HEATR9: variants seen among roughly 807,000 people sequenced by gnomAD.
HEATR9 encodes the protein protein HEATR9.
HEATR9 carries 54 observed loss-of-function variants against 68.2 expected under a neutral mutation model. The ratio of observed to expected loss-of-function variants is 0.79; its 90% CI spans 0.64 to 0.99. The LOEUF (loss-of-function observed/expected upper bound fraction) is 0.99. HEATR9 is among the 50% of genes least tolerant of loss of function. The pLI is 0.00. For synonymous variants in HEATR9, 241 were observed against 253.5 expected (o/e 0.95, Z 0.47); for missense variants, 662 against 679.7 (o/e 0.97, Z 0.29).
In HEATR9 at chr17:35,866,774, C is replaced by A. The variant is rs1025329342; in HGVS notation, c.89-1G>T. ...ACAGGAGCCATGGCTTTTCTGAGTT[C>A]TGGCAAGAGGGATAAGAGTATGTGT... On this transcript the variant is annotated splice_acceptor_variant, in intron 1 of 14. Transcript: ENST00000604834. LOFTEE classifies it high-confidence loss of function. 1 of 1,613,768 alleles carries A rather than the reference C, an allele frequency of 6.2e-7. No homozygotes were observed. The highest frequency in any genetic ancestry group is 8.5e-7 in the Non-Finnish European group (1 of 1,179,834).
In HEATR9 at chr17:35,864,760, T is replaced by G; in HGVS notation, c.451A>C (p.Arg151=). The G allele has an allele frequency of 6.2e-7, 1 of 1,614,220 alleles. No individual in the cohort carries two copies. Among genetic ancestry groups the G allele is most frequent in the East Asian group, 2.2e-5 (1 of 44,880 alleles). The change falls in exon 4 of 15, where the codon AGG becomes CGG. Residue 151 remains arginine (R), a splice_region_variant and synonymous_variant. Transcript: ENST00000604834. ...TQDPLKWQRL[R]ELTKSLESPR... is the part of the protein sequence containing the mutation. Reference sequence around the variant, plus strand: ...GTCCTCTCCCACATGGTCCTGACCCTTAATCTTTGCCACTTCAGGGGGTCC... The same window carrying G: ...GTCCTCTCCCACATGGTCCTGACCCGTAATCTTTGCCACTTCAGGGGGTCC...
chr17:35,864,729 C>G (rs1568326318), intron 4 of HEATR9, 29 bp downstream of exon 4: 2 of 1,612,906 alleles, frequency 1.2e-6, no homozygotes, highest in South Asian at 1.1e-5. Flanking sequence ...GGAGGGAGTC[C>G]CCCACGTCCT....
intron 5 of HEATR9, 91 bp downstream of exon 5, chr17:35,864,406 C>G: frequency 6.5e-7 from 1 of 1,539,178 alleles, no homozygotes. Context: ...ATACCATCCC[C>G]ACAACCACCA....
Position 35,858,900 on chromosome 17 carries a change from G to A in HEATR9, c.927C>T (p.Thr309=). The change falls in exon 9 of 15, where the codon ACC becomes ACT. Residue 309 remains threonine, a synonymous_variant. Coordinates refer to ENST00000604834, the MANE Select transcript of HEATR9 (RefSeq NM_152781.4). ...CTGCCCCTCACACCTTCATCCGCTG[G>A]GTCTTGAGTCCTTGGCACAGGCACT... ...LLQCLCQGLK[T]QRMKALRMLV... is the part of the protein sequence containing the mutation. 6.2e-7 allele frequency: 1 copy of A among 1,613,706 alleles called. No homozygotes were observed. Among genetic ancestry groups the A allele is most frequent in the Non-Finnish European group, 8.5e-7 (1 of 1,179,984 alleles).
chr17:35,864,234 T>C lies in HEATR9; in HGVS notation c.567+12A>G. ...TCCTTCTTTCCTGAACTCCAGCAGT[T>C]CTCAGACTCACCACCTGCTGTAGTG... On this transcript the variant is annotated intron_variant, in intron 6 of 14. Coordinates refer to ENST00000604834, the MANE Select transcript of HEATR9 (RefSeq NM_152781.4). The C allele has an allele frequency of 1.9e-6, 3 of 1,605,614 alleles. No individual in the cohort carries two copies. The highest frequency in any genetic ancestry group is 2.6e-6 in the Non-Finnish European group (3 of 1,172,240).
At chr17:35,863,392 G>T in intron 7 of HEATR9, 110 bp downstream of exon 7, 1 of 1,234,646 alleles carries the variant, frequency 8.1e-7, no homozygotes, top group Non-Finnish European at 1.2e-6. Context: ...CTCAGGCCTT[G>T]CCAAATGGTA....
At position 35,856,237 on chromosome 17, in the gene HEATR9, G is replaced by C. The variant is rs375787983; in HGVS notation, c.1227-13C>G. 1.4e-5 allele frequency: 22 copies of C among 1,613,942 alleles called. No individual in the cohort carries two copies. The highest frequency in any genetic ancestry group is 1.8e-5 in the Non-Finnish European group (21 of 1,179,990). Reference sequence around the variant, plus strand: ...GTTCATCAGTTGTCTGTGTAGAAGGGAGTGAGTATGTTATAGTTGAATTAA... The same window carrying C: ...GTTCATCAGTTGTCTGTGTAGAAGGCAGTGAGTATGTTATAGTTGAATTAA... On this transcript the variant is annotated splice_polypyrimidine_tract_variant and intron_variant, in intron 12 of 14. Coordinates refer to ENST00000604834, the MANE Select transcript of HEATR9 (RefSeq NM_152781.4).
intron 4 of HEATR9, 95 bp from the exon 5 acceptor site, chr17:35,864,648 C>A: frequency 6.3e-7 from 1 of 1,587,160 alleles, no homozygotes; most frequent in Non-Finnish European, 8.6e-7. Flanking sequence ...CTTTTCCTAC[C>A]CTACCTCTGT....
At position 35,857,067 on chromosome 17, in the gene HEATR9, G is replaced by A. The variant is rs372199707; in HGVS notation, c.1153-262C>T. 3.3e-5 allele frequency among the ~76,000 whole-genome samples: 5 copies of A among 152,178 alleles called. No individual in the cohort carries two copies. The South Asian group carries it at 1.0e-3, about 32-fold the overall frequency. On this transcript the variant is annotated intron_variant, in intron 11 of 14. Coordinates refer to ENST00000604834, the MANE Select transcript of HEATR9 (RefSeq NM_152781.4). ...GTGATGCCCGAGCTGAATGAAACTT[G>A]GAAGGTGAGTGGGAGTTAACCAGGC...
chr17:35,861,792 C>G (rs1208809239), intron 8 of HEATR9, among the ~76,000 whole-genome samples: 1 of 152,112 alleles, frequency 6.6e-6, no homozygotes, highest in Non-Finnish European at 1.5e-5. Flanking sequence ...CCTGATCACT[C>G]TTACCCTGCT....
chr17:35,855,396 T>A lies in HEATR9; in HGVS notation c.1380A>T (p.Leu460Phe). Residue 460 changes from leucine (L) to phenylalanine (F), a missense_variant, in exon 15 of 15, where the codon TTA becomes TTT. Transcript: ENST00000604834. ...QAVKKSLQET[L>F]ILCASIDPWI... ...AGGGATCAATTGAGGCACAAAGGAT[T>A]AATGTTTCTTGTAGCTGCATTGAAA... 6.2e-7 allele frequency: 1 copy of A among 1,612,916 alleles called. No homozygotes were observed. Among genetic ancestry groups the A allele is most frequent in the Non-Finnish European group, 8.5e-7 (1 of 1,179,272 alleles).
intron 8 of HEATR9, 31 bp downstream of exon 8, chr17:35,862,964 G>T (rs1366615061): frequency 1.2e-6 from 2 of 1,613,916 alleles, no homozygotes; most frequent in South Asian, 1.1e-5. Flanking sequence ...GTCCAGCTTT[G>T]CCCCCAATTA....
intron 2 of HEATR9, among the ~76,000 whole-genome samples, chr17:35,866,156 A>G (rs1014210283): frequency 2.0e-5 from 3 of 152,098 alleles, no homozygotes; most frequent in Admixed American, 6.5e-5. Context: ...TGAAGAGATC[A>G]TAATAAGGGT....
At chr17:35,861,989 G>T (rs560160697) in intron 8 of HEATR9, among the ~76,000 whole-genome samples, 1 of 151,810 alleles carries the variant, frequency 6.6e-6, no homozygotes, top group African/African-American at 2.4e-5. Flanking sequence ...CCAAGTAGCT[G>T]GGATTACAGG....
chr17:35,863,518 T>G lies in HEATR9; in HGVS notation c.609A>C (p.Arg203=). 1 of 1,614,206 alleles carries G rather than the reference T, an allele frequency of 6.2e-7. No individual in the cohort carries two copies. Among genetic ancestry groups the G allele is most frequent in the Non-Finnish European group, 8.5e-7 (1 of 1,180,034 alleles). The change falls in exon 7 of 15, where the codon CGA becomes CGC. Residue 203 remains arginine (R), a synonymous_variant. Transcript: ENST00000604834. ...CATACTCACCCAGGATGGCCAGGGT[T>G]CGGTAGGCCTCGTACTTCACTTTCT... ...GPEKVKYEAY[R]TLAILGCLNK...
intron 8 of HEATR9, 172 bp downstream of exon 8, chr17:35,862,823 T>A: frequency 1.2e-6 from 1 of 856,228 alleles, no homozygotes; most frequent in Non-Finnish European, 1.8e-6. Flanking sequence ...AATGGACTAG[T>A]AAGTGGCCAA....
chr17:35,857,493 C>G (rs1386944520), intron 11 of HEATR9, among the ~76,000 whole-genome samples: 1 of 152,180 alleles, frequency 6.6e-6, no homozygotes, highest in Non-Finnish European at 1.5e-5. Flanking sequence ...GGCGCAGTGG[C>G]TCACGCCTGT....
intron 12 of HEATR9, 42 bp from the exon 13 acceptor site, chr17:35,856,266 G>A (rs908151324): frequency 1.2e-6 from 2 of 1,613,924 alleles, no homozygotes; most frequent in Non-Finnish European, 1.7e-6. Flanking sequence ...GAATTAAGGA[G>A]TAGGGGAAGT....
At chr17:35,864,003 G>T in intron 6 of HEATR9, 1 of 569,078 alleles carries the variant, frequency 1.8e-6, no homozygotes, top group Non-Finnish European at 3.1e-6. Flanking sequence ...TGGCTTTTCA[G>T]TCCAATGTCT....
Sources: gnomAD v4.1 joint callset for allele counts (sites outside exome capture counted in the v4.1 genomes callset) on GRCh38, gnomAD v4.1.1 for gene constraint, MANE v1.5 for transcripts, NCBI Gene and HGNC (gene_info 2026-07-23, HGNC 2026-07-21) for gene names.